Variants in VPS13B observed in about 807,000 individuals in gnomAD.
The protein encoded by VPS13B is intermembrane lipid transfer protein VPS13B.
A neutral mutation model predicts 426.4 loss-of-function variants in VPS13B; 285 were observed. The ratio of observed to expected loss-of-function variants is 0.67; its 90% CI spans 0.61 to 0.74. The LOEUF (loss-of-function observed/expected upper bound fraction) is 0.74, where lower values mean the gene tolerates loss of function less well. Ranked by LOEUF, VPS13B falls within the 30% of genes least tolerant of loss-of-function variation. The pLI is 0.00. For missense variants in VPS13B, 4,537 were observed against 4,782.6 expected (o/e 0.95, Z 1.51); for synonymous variants, 1,676 against 1,676.4 (o/e 1.00, Z 0.01).
At chr8:99,294,308 C>G (rs867818623) in intron 19 of VPS13B, among the ~76,000 whole-genome samples, 5 of 116,382 alleles carry the variant, frequency 4.3e-5, no homozygotes, top group African/African-American at 1.0e-4. Flanking sequence ...CCAAACACCG[C>G]ATATTCTCAC....
intron 3 of VPS13B, among the ~76,000 whole-genome samples, chr8:99,091,032 C>T (rs570782312): frequency 6.6e-6 from 1 of 152,128 alleles, no homozygotes; most frequent in African/African-American, 2.4e-5. Context: ...CAATAAAGAA[C>T]AAATTTTTCA....
Position 99,055,899 on chromosome 8 carries a change from A to C in VPS13B, c.291+17333A>C, listed in dbSNP as rs545176264. The stretch of plus-strand genomic sequence containing the variant: ...CACATGCCACAGTGCCTGGCTAATT[A>C]ATTTTTTTTTTTTTTTTTTTTTTTA... On this transcript the variant is annotated intron_variant, in intron 3 of 61. Coordinates refer to ENST00000357162, the MANE Select transcript of VPS13B (RefSeq NM_152564.5). 2.6e-4 allele frequency among the ~76,000 whole-genome samples: 26 copies of C among 99,240 alleles called. No homozygotes were observed. The East Asian group carries it at 6.4e-3, about 24-fold the overall frequency. The allele number at this position is 99,240 out of a possible 152,430, so 65.1% of individuals were successfully genotyped here.
Position 99,271,175 on chromosome 8 carries a change from C to T in VPS13B, c.2516-3023C>T, listed in dbSNP as rs540313097. 2.7e-5 allele frequency among the ~76,000 whole-genome samples: 4 copies of T among 149,524 alleles called. No individual in the cohort carries two copies. The South Asian group carries it at 8.7e-4, about 33-fold the overall frequency. On this transcript the variant is annotated intron_variant, in intron 17 of 61. Transcript: ENST00000357162. ...GATACTACTGCTGCTGCTTTTATTG[C>T]TGCTGCTGCTGCTACCACTAACTAC...
chr8:99,712,909 G>C (rs183778221), intron 36 of VPS13B, among the ~76,000 whole-genome samples: 1 of 151,964 alleles, frequency 6.6e-6, no homozygotes. Context: ...TATAACGTTG[G>C]GGGGGTTAAG....
At chr8:99,462,150 C>T (rs1417956828) in intron 23 of VPS13B, among the ~76,000 whole-genome samples, 1 of 150,308 alleles carries the variant, frequency 6.7e-6, no homozygotes, top group African/African-American at 2.4e-5. Flanking sequence ...CTAACTCTCC[C>T]TTCCTCCCTC....
intron 13 of VPS13B, among the ~76,000 whole-genome samples, chr8:99,147,104 A>G (rs1164960921): frequency 1.3e-5 from 2 of 151,740 alleles, no homozygotes; most frequent in Non-Finnish European, 2.9e-5. Flanking sequence ...AAAGGAAGGT[A>G]TGTAGTCTTA....
At chr8:99,574,150 T>A (rs1198446108) in intron 31 of VPS13B, among the ~76,000 whole-genome samples, 1 of 152,224 alleles carries the variant, frequency 6.6e-6, no homozygotes, top group Non-Finnish European at 1.5e-5. Flanking sequence ...ACATTGATTT[T>A]GTATCCTGAG....
intron 27 of VPS13B, among the ~76,000 whole-genome samples, chr8:99,503,495 A>G (rs1198240924): frequency 6.6e-6 from 1 of 152,240 alleles, no homozygotes; most frequent in African/African-American, 2.4e-5. Flanking sequence ...TTTACCCACA[A>G]CAGAACTTCT....
At chr8:99,015,871 C>G (rs1484152490) in intron 2 of VPS13B, among the ~76,000 whole-genome samples, 1 of 152,126 alleles carries the variant, frequency 6.6e-6, no homozygotes, top group African/African-American at 2.4e-5. Context: ...CCACTGCACT[C>G]CAGCCTGGGT....
chr8:99,190,102 T>A (rs1223202633), intron 16 of VPS13B, among the ~76,000 whole-genome samples: 1 of 152,188 alleles, frequency 6.6e-6, no homozygotes, highest in East Asian at 1.9e-4. Context: ...AATGTATGTA[T>A]TTCGGAGATG....
At chr8:99,691,576 C>A (rs570290831) in intron 35 of VPS13B, among the ~76,000 whole-genome samples, 11 of 151,698 alleles carry the variant, frequency 7.3e-5, no homozygotes, top group South Asian at 6.3e-4. Context: ...CAGTGTCAGC[C>A]GCTGCAAAAT....
At chr8:99,740,661 C>A (rs1486869415) in intron 39 of VPS13B, among the ~76,000 whole-genome samples, 1 of 152,126 alleles carries the variant, frequency 6.6e-6, no homozygotes, top group Non-Finnish European at 1.5e-5. Context: ...AGAGTGGGGG[C>A]CAATATTCAA....
At chr8:99,048,198 T>C (rs1843330811) in intron 3 of VPS13B, among the ~76,000 whole-genome samples, 1 of 152,212 alleles carries the variant, frequency 6.6e-6, no homozygotes, top group African/African-American at 2.4e-5. Context: ...TTTATTCCAC[T>C]GTGGTCTGAG....
intron 52 of VPS13B, among the ~76,000 whole-genome samples, chr8:99,833,119 C>G (rs1400645735): frequency 6.6e-6 from 1 of 152,190 alleles, no homozygotes; most frequent in Non-Finnish European, 1.5e-5. Flanking sequence ...TCAAAAAAGT[C>G]ATTAAGAGAG....
chr8:99,430,236 A>G (rs1817016203), intron 21 of VPS13B, among the ~76,000 whole-genome samples: 1 of 152,164 alleles, frequency 6.6e-6, no homozygotes, highest in South Asian at 2.1e-4. Flanking sequence ...ATCAATGCTC[A>G]TATATTAACC....
chr8:99,408,538 A>G lies in VPS13B; in HGVS notation c.3082+16834A>G, dbSNP rs182843604. Among the ~76,000 whole-genome samples, 696 of 152,264 alleles carry G rather than the reference A, an allele frequency of 4.6e-3. 8 individuals are homozygous for G. Among genetic ancestry groups the G allele is most frequent in the African/African-American group, 0.016 (646 of 41,554 alleles). On this transcript the variant is annotated intron_variant, in intron 21 of 61. Transcript: ENST00000357162. Reference sequence around the variant, plus strand: ...TGGAGGACTATAAGATGAAGAGCATAGGGGCTTTTGAGAAAGAGACTCAAG... The same window carrying G: ...TGGAGGACTATAAGATGAAGAGCATGGGGGCTTTTGAGAAAGAGACTCAAG...
chr8:99,119,560 G>T (rs564399782), intron 7 of VPS13B: 2 of 151,908 alleles, frequency 1.3e-5, no homozygotes, highest in Admixed American at 6.6e-5. Context: ...GCCCAACAGG[G>T]TTTGCACCTT....
rs771725660 is a variant in VPS13B, at chr8:99,642,131, G to A, written c.5541G>A (p.Lys1847=). The change falls in exon 34 of 62, where the codon AAG becomes AAA. Residue 1847 remains lysine, a synonymous_variant. Coordinates refer to ENST00000357162, the MANE Select transcript of VPS13B (RefSeq NM_152564.5). ...AGAAGAATAATGAAAAAACAGACAA[G>A]AGTTCATTAAATCTCCCAGAAGTTG... ...QEQKNNEKTD[K]SSLNLPEVDS... The A allele has an allele frequency of 6.2e-7, 1 of 1,614,106 alleles. No homozygotes were observed. The highest frequency in any genetic ancestry group is 8.5e-7 in the Non-Finnish European group (1 of 1,180,018).
intron 17 of VPS13B, among the ~76,000 whole-genome samples, chr8:99,238,779 C>A (rs1816768384): frequency 6.6e-6 from 1 of 151,904 alleles, no homozygotes; most frequent in South Asian, 2.1e-4. Flanking sequence ...TTTTGCTTCC[C>A]TATAATTATT....
Sources: allele counts gnomAD v4.1 joint callset (sites outside exome capture counted in the v4.1 genomes callset), GRCh38; gene constraint gnomAD v4.1.1; transcripts MANE v1.5; gene names NCBI Gene and HGNC (gene_info 2026-07-23, HGNC 2026-07-21).